Variants in COL4A5 observed in about 807,000 individuals in gnomAD.
COL4A5 encodes collagen alpha-5(IV) chain.
In COL4A5, 26 loss-of-function variants were observed where a neutral mutation model predicts 130.2. That is an observed-to-expected ratio of 0.20 (90% CI 0.15 to 0.28). COL4A5 has a LOEUF of 0.28. COL4A5 is among the 10% of genes least tolerant of loss of function. The pLI, the probability that COL4A5 is intolerant of heterozygous loss-of-function variation, is 1.00. For synonymous variants in COL4A5, 496 were observed against 439.6 expected (o/e 1.13, Z -1.60); for missense variants, 1,131 against 1,344.3 (o/e 0.84, Z 2.48).
intron 36 of COL4A5, among the ~76,000 whole-genome samples, chrX:108,641,418 A>G (rs2067463671): frequency 8.9e-6 from 1 of 111,912 alleles, no homozygotes; most frequent in African/African-American, 3.3e-5. Context: ...CAACTCGGAC[A>G]GACAGAGCAG....
chrX:108,528,940 T>C (rs1184956725), intron 1 of COL4A5, among the ~76,000 whole-genome samples: 1 of 111,970 alleles, frequency 8.9e-6, no homozygotes, highest in Non-Finnish European at 1.9e-5. Context: ...GAGATTTACA[T>C]AATCAGATAC....
At chrX:108,441,908 G>GCAAAAC (rs2064405071) in intron 1 of COL4A5, among the ~76,000 whole-genome samples, 9 of 111,593 alleles carry the variant, frequency 8.1e-5, no homozygotes, top group Non-Finnish European at 1.5e-4. Flanking sequence ...TAACAATGAG[G>GCAAAAC]TTTCTTTTTA....
At chrX:108,483,132 C>G (rs1030126639) in intron 1 of COL4A5, among the ~76,000 whole-genome samples, 1 of 110,987 alleles carries the variant, frequency 9.0e-6, no homozygotes, top group Non-Finnish European at 1.9e-5. Context: ...TATTCTGTTC[C>G]TCTAGAACCA....
intron 37 of COL4A5, among the ~76,000 whole-genome samples, chrX:108,663,466 C>T (rs942910121): frequency 9.0e-6 from 1 of 111,572 alleles, no homozygotes; most frequent in South Asian, 3.7e-4. Context: ...CCTTAGTAAA[C>T]TAATTCAGGA....
chrX:108,509,883 T>C (rs1255680796), intron 1 of COL4A5, among the ~76,000 whole-genome samples: 1 of 112,153 alleles, frequency 8.9e-6, no homozygotes, highest in Admixed American at 9.4e-5. Context: ...CTAGTCACAA[T>C]AGCAAAGACA....
At chrX:108,550,088 A>T (rs920811806) in intron 2 of COL4A5, among the ~76,000 whole-genome samples, 1 of 111,935 alleles carries the variant, frequency 8.9e-6, no homozygotes, top group African/African-American at 3.2e-5. Flanking sequence ...GATGAATTCT[A>T]TGAAACATTT....
chrX:108,652,955 G>A (rs60068591), intron 36 of COL4A5, among the ~76,000 whole-genome samples: 2 of 111,583 alleles, frequency 1.8e-5, no homozygotes, highest in South Asian at 7.4e-4. Context: ...CATTCAAATC[G>A]CTTCTACCTA....
At chrX:108,479,031 G>T (rs1293880796) in intron 1 of COL4A5, among the ~76,000 whole-genome samples, 1 of 112,195 alleles carries the variant, frequency 8.9e-6, no homozygotes, top group Non-Finnish European at 1.9e-5. Flanking sequence ...ATGTTGCTGA[G>T]CCCATGCATA....
intron 30 of COL4A5, among the ~76,000 whole-genome samples, chrX:108,616,046 G>A (rs1168996848): frequency 9.0e-6 from 1 of 111,368 alleles, no homozygotes; most frequent in Non-Finnish European, 1.9e-5. Flanking sequence ...ACCTTTTTAT[G>A]GTCCCTGACA....
chrX:108,455,693 TATAG>T (rs1305201377), intron 1 of COL4A5, among the ~76,000 whole-genome samples: 1 of 112,296 alleles, frequency 8.9e-6, no homozygotes, highest in Non-Finnish European at 1.9e-5. Flanking sequence ...ATTTTTCTTA[TATAG>T]ATACCCAGTT....
At chrX:108,465,034 CGTTT>C (rs1036273885) in intron 1 of COL4A5, among the ~76,000 whole-genome samples, 32 of 112,018 alleles carry the variant, frequency 2.9e-4, no homozygotes, top group African/African-American at 1.0e-3. Context: ...CAAAAAGTTC[CGTTT>C]GTTTTTCTTC....
chrX:108,483,980 C>G (rs2064919060), intron 1 of COL4A5, among the ~76,000 whole-genome samples: 1 of 111,875 alleles, frequency 8.9e-6, no homozygotes, highest in African/African-American at 3.2e-5. Context: ...TTATCTTGTT[C>G]AGCTGTTTGA....
chrX:108,597,598 GA>G (rs1282264056), intron 24 of COL4A5, 30 bp downstream of exon 24: 2 of 1,160,388 alleles, frequency 1.7e-6, no homozygotes, highest in Admixed American at 2.3e-5. Context: ...TTGGTTTTGT[GA>G]TGTTAAATTT....
chrX:108,511,593 G>T (rs1368073500), intron 1 of COL4A5, among the ~76,000 whole-genome samples: 1 of 111,666 alleles, frequency 9.0e-6, no homozygotes, highest in Non-Finnish European at 1.9e-5. Flanking sequence ...AAGACTGTTT[G>T]GTGCTGACAT....
At chrX:108,644,098 A>T (rs1180267248) in intron 36 of COL4A5, among the ~76,000 whole-genome samples, 1 of 112,330 alleles carries the variant, frequency 8.9e-6, no homozygotes, top group African/African-American at 3.2e-5. Context: ...GTTCTATCAG[A>T]CAAAATAAAC....
intron 1 of COL4A5, among the ~76,000 whole-genome samples, chrX:108,533,820 TCAAA>T (rs776693870): frequency 1.2e-4 from 13 of 110,568 alleles, no homozygotes; most frequent in Non-Finnish European, 1.5e-4. Context: ...CAAAAGGAAC[TCAAA>T]CAACAGGAAA....
At chrX:108,563,355 G>A (rs2065923827) in intron 3 of COL4A5, among the ~76,000 whole-genome samples, 2 of 111,321 alleles carry the variant, frequency 1.8e-5, no homozygotes, top group African/African-American at 6.5e-5. Flanking sequence ...CTGACAGCTA[G>A]GAAGGAAAGT....
chrX:108,508,015 A>G (rs960340767), intron 1 of COL4A5, among the ~76,000 whole-genome samples: 4 of 111,226 alleles, frequency 3.6e-5, no homozygotes, highest in Non-Finnish European at 3.8e-5. Context: ...TCTATTCAAC[A>G]TAGTACTGGA....
intron 1 of COL4A5, among the ~76,000 whole-genome samples, chrX:108,494,005 A>T (rs2065014331): frequency 1.8e-5 from 2 of 111,580 alleles, no homozygotes; most frequent in Admixed American, 9.6e-5. Context: ...TGCCTGATGC[A>T]CAGAAAATGA....
Sources: allele counts gnomAD v4.1 joint callset (sites outside exome capture counted in the v4.1 genomes callset), GRCh38; gene constraint gnomAD v4.1.1; transcripts MANE v1.5; gene names NCBI Gene and HGNC (gene_info 2026-07-23, HGNC 2026-07-21).